The following GLDC variants were observed in gnomAD, a reference collection of about 807,000 sequenced individuals.
GLDC encodes glycine dehydrogenase (decarboxylating), mitochondrial.
In GLDC, 104 loss-of-function variants were observed where a neutral mutation model predicts 121.3. The ratio of observed to expected loss-of-function variants is 0.86; its 90% CI spans 0.73 to 1.01. The LOEUF is 1.01. GLDC is among the 50% of genes least tolerant of loss of function. GLDC has a pLI of 0.00. For synonymous variants in GLDC, 546 were observed against 480.6 expected, an observed-to-expected ratio of 1.14 and a Z score of -1.78; for missense variants, 1,429 against 1,306.6, an observed-to-expected ratio of 1.09 and a Z score of -1.44.
chr9:6,617,756 C>G (rs777987268), intron 3 of GLDC, among the ~76,000 whole-genome samples: 1 of 152,214 alleles, frequency 6.6e-6, no homozygotes, highest in East Asian at 1.9e-4. Flanking sequence ...CGACAAAGCA[C>G]ATGCACCCAC....
chr9:6,571,421 C>G (rs1323147098), intron 15 of GLDC, among the ~76,000 whole-genome samples: 1 of 152,158 alleles, frequency 6.6e-6, no homozygotes, highest in Non-Finnish European at 1.5e-5. Flanking sequence ...AACAATTACA[C>G]CACCATACCA....
At chr9:6,619,411 C>G (rs190403556) in intron 3 of GLDC, among the ~76,000 whole-genome samples, 1 of 151,884 alleles carries the variant, frequency 6.6e-6, no homozygotes, top group Admixed American at 6.6e-5. Context: ...GAAGGGAACA[C>G]AATTATCTGT....
chr9:6,614,136 G>C (rs1263640748), intron 3 of GLDC, among the ~76,000 whole-genome samples: 1 of 152,116 alleles, frequency 6.6e-6, no homozygotes, highest in African/African-American at 2.4e-5. Flanking sequence ...TTCCTCTCCA[G>C]AAAGAGCATA....
At chr9:6,535,409 CAA>C (rs1817104971) in intron 23 of GLDC, among the ~76,000 whole-genome samples, 2 of 151,440 alleles carry the variant, frequency 1.3e-5, no homozygotes, top group Non-Finnish European at 2.9e-5. Context: ...CTGCCTTCTG[CAA>C]GTCACTGGTC....
intron 22 of GLDC, among the ~76,000 whole-genome samples, chr9:6,538,947 G>C (rs78435098): frequency 0.033 from 5,062 of 152,270 alleles, 118 homozygotes; most frequent in South Asian, 0.06. Context: ...TCTATTATCA[G>C]TGTAACTGCA....
Position 6,553,529 on chromosome 9 carries a change from A to G in GLDC, c.2316-20T>C, listed in dbSNP as rs2129715400. 6.2e-7 allele frequency: 1 copy of G among 1,612,298 alleles called. No individual in the cohort carries two copies. Among genetic ancestry groups the G allele is most frequent in the East Asian group, 2.2e-5 (1 of 44,862 alleles). ...TTCTTCCTGTATTTTTTTTAAGTGC[A>G]AATTCAGAAAATGTAAACGATTCAG... On this transcript the variant is annotated intron_variant, in intron 19 of 24. Transcript: ENST00000321612.
intron 9 of GLDC, 194 bp from the exon 10 acceptor site, chr9:6,593,184 A>G: frequency 1.7e-6 from 1 of 597,206 alleles, no homozygotes; most frequent in Non-Finnish European, 3.0e-6. Flanking sequence ...CATATAAAAG[A>G]GTAAGGAAAA....
rs375281755 is a variant in GLDC at position 6,539,480 on chromosome 9, C to G, written c.2665+571G>C. On this transcript the variant is annotated intron_variant, in intron 22 of 24. Coordinates refer to ENST00000321612, the MANE Select transcript of GLDC (RefSeq NM_000170.3). The stretch of plus-strand genomic sequence containing the variant: ...GGCGACAAAGTGAGACTCTGTCTCC[C>G]CAACCCCCAAAAAAGTAATATGGTC... 5.9e-5 allele frequency among the ~76,000 whole-genome samples: 9 copies of G among 151,990 alleles called. No homozygotes were observed. In the East Asian group the frequency reaches 1.2e-3, roughly 20 times the overall value.
chr9:6,626,810 C>T (rs1286513047), intron 2 of GLDC, among the ~76,000 whole-genome samples: 1 of 152,152 alleles, frequency 6.6e-6, no homozygotes, highest in African/African-American at 2.4e-5. Flanking sequence ...TCAGTCACCA[C>T]CTGCCACTCA....
chr9:6,644,052 G>GAAAAAAAAAAAAAAAAAAAAAAAAAAA (rs905678567), intron 2 of GLDC, among the ~76,000 whole-genome samples: 2 of 51,724 alleles, frequency 3.9e-5, no homozygotes, highest in Non-Finnish European at 3.4e-5. Flanking sequence ...AAAAAAAAAC[G>GAAAAAAAAAAAAAAAAAAAAAAAAAAA]AAAAAAAAAA....
chr9:6,582,884 A>G (rs1000510210), intron 15 of GLDC, among the ~76,000 whole-genome samples: 1 of 152,142 alleles, frequency 6.6e-6, no homozygotes, highest in African/African-American at 2.4e-5. Flanking sequence ...AAGAAACCCA[A>G]TTAAAAAATG....
rs1017297198 is a variant in GLDC at position 6,591,344 on chromosome 9, C to A, written c.1482+799G>T. Among the ~76,000 whole-genome samples, 7 of 152,176 alleles carry A rather than the reference C, an allele frequency of 4.6e-5. 1 individual carries two copies. The highest frequency in any genetic ancestry group is 4.6e-4 in the Admixed American group (7 of 15,280). On this transcript the variant is annotated intron_variant, in intron 11 of 24. Coordinates refer to ENST00000321612, the MANE Select transcript of GLDC (RefSeq NM_000170.3). ...CTCATCCTGTGAGCTCCCAGAACATCTTCACACATCAGTCACCTGGATTCT... is the reference window on the plus strand; with the variant it reads ...CTCATCCTGTGAGCTCCCAGAACATATTCACACATCAGTCACCTGGATTCT...
At chr9:6,543,954 C>G (rs1817329357) in intron 21 of GLDC, among the ~76,000 whole-genome samples, 1 of 152,038 alleles carries the variant, frequency 6.6e-6, no homozygotes, top group Non-Finnish European at 1.5e-5. Flanking sequence ...GGAACCACCG[C>G]CCCCATATGT....
At position 6,554,913 on chromosome 9, in the gene GLDC, A is replaced by G. The variant is rs1027603308; in HGVS notation, c.2203-132T>C. The G allele has an allele frequency of 6.5e-5, 48 of 733,128 alleles. No homozygotes were observed. The African/African-American group carries it at 7.8e-4, about 12-fold the overall frequency. The allele number at this position is 733,128 out of a possible 1,614,324, so 45.4% of individuals were successfully genotyped here. On this transcript the variant is annotated intron_variant, in intron 18 of 24. Transcript: ENST00000321612. Reference sequence around the variant, plus strand: ...AGGCAGAGCCACATCCATGGTGTTCACAGAAATGTCCTCTATACTGGCCCA... The same window carrying G: ...AGGCAGAGCCACATCCATGGTGTTCGCAGAAATGTCCTCTATACTGGCCCA...
Position 6,554,709 on chromosome 9 carries a change from G to T in GLDC, c.2275C>A (p.Pro759Thr). ...ATGCCAGGACCACCTCCTCCGTGGG[G>T]AATGCAGAAGGTCTTGTGAAGATTT... ...HLNLHKTFCI[P>T]HGGGGPGMGP... is the part of the protein sequence containing the mutation. The change falls in exon 19 of 25, where the codon CCC becomes ACC. Residue 759 changes from proline (P) to threonine (T), a missense_variant. By Grantham distance (38) the Pro-to-Thr change is conservative. Transcript: ENST00000321612. 2 of 1,612,740 alleles carry T rather than the reference G, an allele frequency of 1.2e-6. No homozygotes were observed. The highest frequency in any genetic ancestry group is 1.7e-6 in the Non-Finnish European group (2 of 1,179,848).
chr9:6,602,672 T>C (rs1818640851), intron 7 of GLDC, among the ~76,000 whole-genome samples: 1 of 151,774 alleles, frequency 6.6e-6, no homozygotes, highest in Non-Finnish European at 1.5e-5. Context: ...ATTTTTAGAC[T>C]GTACTCTGAG....
chr9:6,624,767 A>C (rs532218064), intron 2 of GLDC, among the ~76,000 whole-genome samples: 1 of 152,048 alleles, frequency 6.6e-6, no homozygotes, highest in African/African-American at 2.4e-5. Context: ...CAGGAGGATC[A>C]CTTGAGGTCA....
chr9:6,635,449 C>G (rs113485025), intron 2 of GLDC, among the ~76,000 whole-genome samples: 22 of 152,288 alleles, frequency 1.4e-4, no homozygotes, highest in African/African-American at 5.3e-4. Flanking sequence ...AAGAATAGCA[C>G]TATATTTATA....
At position 6,554,667 on chromosome 9, in the gene GLDC, A is replaced by C. The variant is rs1554643738; in HGVS notation, c.2315+2T>G. On this transcript the variant is annotated splice_donor_variant, in intron 19 of 24. Transcript: ENST00000321612. LOFTEE classifies it high-confidence loss of function. Reference sequence around the variant, plus strand: ...TCCTGAAACCAGCAGCCCAGAACTTACACTCCGATGGGCCCCATGCCAGGA... The same window carrying C: ...TCCTGAAACCAGCAGCCCAGAACTTCCACTCCGATGGGCCCCATGCCAGGA... 1 of 1,602,200 alleles carries C rather than the reference A, an allele frequency of 6.2e-7. No individual in the cohort carries two copies. The highest frequency in any genetic ancestry group is 8.5e-7 in the Non-Finnish European group (1 of 1,171,504).
Sources: allele counts gnomAD v4.1 joint callset (sites outside exome capture counted in the v4.1 genomes callset), GRCh38; gene constraint gnomAD v4.1.1; transcripts MANE v1.5; gene names NCBI Gene and HGNC (gene_info 2026-07-23, HGNC 2026-07-21).